PTCHD4: variants seen among roughly 807,000 people sequenced by gnomAD.
PTCHD4 encodes the protein patched domain containing 4, also known as patched domain-containing protein 4.
In PTCHD4, 33 loss-of-function variants were observed where a neutral mutation model predicts 58.1. The observed-to-expected ratio is 0.57, with a 90% CI of 0.43 to 0.76. The LOEUF (loss-of-function observed/expected upper bound fraction) is 0.76. Ranked by LOEUF, PTCHD4 falls within the 30% of genes least tolerant of loss-of-function variation. The pLI is 0.00. For missense variants in PTCHD4, 1,058 were observed against 1,027.1 expected, an observed-to-expected ratio of 1.03 and a Z score of -0.41; for synonymous variants, 478 against 409.6, an observed-to-expected ratio of 1.17 and a Z score of -2.02.
chr6:47,899,999 T>C (rs2114144091), intron 4 of PTCHD4: 1 of 152,366 alleles, frequency 6.6e-6, no homozygotes, highest in East Asian at 1.9e-4. Context: ...TATTCCATTG[T>C]ATGCATATAC....
intron 4 of PTCHD4, among the ~76,000 whole-genome samples, chr6:47,888,428 A>G (rs971447907): frequency 6.6e-6 from 1 of 152,206 alleles, no homozygotes; most frequent in African/African-American, 2.4e-5. Context: ...GAGCATGAAC[A>G]GACACTCAGT....
In PTCHD4 at chr6:48,079,117, CAAAAAAA is replaced by C. The variant is rs398001467; in HGVS notation, c.-969-9198_-969-9192del. On this transcript the variant is annotated intron_variant, in intron 1 of 4. Transcript: ENST00000339488. ...TGGGCAACAGAGCGAAATTCCATCACAAAAAAAAAAAAAAAAAAGAAATTGCATATTT... is the reference window on the plus strand; with the variant it reads ...TGGGCAACAGAGCGAAATTCCATCACAAAAAAAAAAAGAAATTGCATATTT... Among the ~76,000 whole-genome samples the C allele has an allele frequency of 8.2e-5, 6 of 73,182 alleles. No individual in the cohort carries two copies. The South Asian group carries it at 1.4e-3, about 18-fold the overall frequency. 48.0% of individuals were successfully genotyped at this position (73,182 alleles called of 152,430 possible).
chr6:47,909,944 T>G (rs946951632), intron 4 of PTCHD4, among the ~76,000 whole-genome samples: 4 of 152,216 alleles, frequency 2.6e-5, no homozygotes, highest in African/African-American at 9.6e-5. Flanking sequence ...TTGGGAAAAC[T>G]TCGTAATAAC....
In PTCHD4 at chr6:47,861,884, G is replaced by A. The variant is rs1763435396; in HGVS notation, c.*16419C>T. Among the ~76,000 whole-genome samples, 1 of 151,824 alleles carries A rather than the reference G, an allele frequency of 6.6e-6. No individual in the cohort carries two copies. Among genetic ancestry groups the A allele is most frequent in the African/African-American group, 2.4e-5 (1 of 41,400 alleles). Reference sequence around the variant, plus strand: ...ATCCATGTTTGTTGGATGGATTAATGAATGAATGATATGGCTAGTTCATCA... The same window carrying A: ...ATCCATGTTTGTTGGATGGATTAATAAATGAATGATATGGCTAGTTCATCA... On this transcript the variant is annotated 3_prime_UTR_variant, in exon 5 of 5. Coordinates refer to ENST00000339488, the MANE Select transcript of PTCHD4 (RefSeq NM_001384253.1).
chr6:48,097,081 T>G (rs1207514885), intron 1 of PTCHD4, among the ~76,000 whole-genome samples: 1 of 152,122 alleles, frequency 6.6e-6, no homozygotes, highest in African/African-American at 2.4e-5. Flanking sequence ...ACATTTAATA[T>G]TAACGTATTA....
intron 3 of PTCHD4, among the ~76,000 whole-genome samples, chr6:48,022,267 C>T (rs1582035455): frequency 6.6e-6 from 1 of 151,104 alleles, no homozygotes; most frequent in Non-Finnish European, 1.5e-5. Flanking sequence ...TCTCTCCTTC[C>T]TTTATTTGAA....
chr6:47,960,324 C>G (rs1317222192), intron 4 of PTCHD4, among the ~76,000 whole-genome samples: 1 of 151,994 alleles, frequency 6.6e-6, no homozygotes, highest in Non-Finnish European at 1.5e-5. Context: ...GGGACAAATA[C>G]AGGTAAATAG....
intron 4 of PTCHD4, among the ~76,000 whole-genome samples, chr6:47,962,798 T>C (rs1767145125): frequency 6.7e-6 from 1 of 149,572 alleles, no homozygotes; most frequent in South Asian, 2.1e-4. Flanking sequence ...GGAGTGGGCA[T>C]CCAAAATATG....
chr6:47,898,876 G>A (rs1215430586), intron 4 of PTCHD4, among the ~76,000 whole-genome samples: 1 of 152,174 alleles, frequency 6.6e-6, no homozygotes, highest in African/African-American at 2.4e-5. Context: ...TTTCTTTTTA[G>A]GTCCCTGCTG....
At chr6:47,916,797 A>G (rs1765272171) in intron 4 of PTCHD4, among the ~76,000 whole-genome samples, 1 of 152,174 alleles carries the variant, frequency 6.6e-6, no homozygotes, top group Non-Finnish European at 1.5e-5. Flanking sequence ...AATTGTAATA[A>G]CTAAAAAGTT....
chr6:47,918,693 T>G (rs1466292505), intron 4 of PTCHD4, among the ~76,000 whole-genome samples: 1 of 152,196 alleles, frequency 6.6e-6, no homozygotes, highest in Non-Finnish European at 1.5e-5. Flanking sequence ...TCACTTCAAA[T>G]ACTATGGAAG....
chr6:47,888,459 C>T (rs1764265259), intron 4 of PTCHD4, among the ~76,000 whole-genome samples: 1 of 152,112 alleles, frequency 6.6e-6, no homozygotes, highest in African/African-American at 2.4e-5. Flanking sequence ...CAGGAGGTTA[C>T]AGGATTTTAT....
chr6:48,104,235 A>C (rs1290971177), intron 1 of PTCHD4, among the ~76,000 whole-genome samples: 2 of 152,260 alleles, frequency 1.3e-5, no homozygotes, highest in Non-Finnish European at 2.9e-5. Flanking sequence ...GAAGCCCATC[A>C]GACTAACAGC....
intron 4 of PTCHD4, among the ~76,000 whole-genome samples, chr6:47,919,900 T>G (rs982526013): frequency 6.6e-6 from 1 of 152,142 alleles, no homozygotes; most frequent in South Asian, 2.1e-4. Context: ...TGTGATTGAC[T>G]TCTGGCCAGT....
intron 4 of PTCHD4, among the ~76,000 whole-genome samples, chr6:48,005,995 T>A (rs1343234215): frequency 6.6e-6 from 1 of 152,152 alleles, no homozygotes; most frequent in East Asian, 1.9e-4. Flanking sequence ...ACAATCATTT[T>A]AAAAATAAAA....
At chr6:48,095,903 C>A (rs995852121) in intron 1 of PTCHD4, among the ~76,000 whole-genome samples, 26 of 152,038 alleles carry the variant, frequency 1.7e-4, no homozygotes, top group African/African-American at 6.3e-4. Context: ...CTCATATTAT[C>A]ATCTAAATAA....
chr6:48,094,391 G>A (rs947602953), intron 1 of PTCHD4, among the ~76,000 whole-genome samples: 3 of 152,164 alleles, frequency 2.0e-5, no homozygotes, highest in Non-Finnish European at 2.9e-5. Flanking sequence ...TTTCTGCTGG[G>A]TTGATAGATA....
chr6:47,892,097 A>T (rs1764398645), intron 4 of PTCHD4, among the ~76,000 whole-genome samples: 1 of 152,138 alleles, frequency 6.6e-6, no homozygotes, highest in African/African-American at 2.4e-5. Flanking sequence ...TTTTGAGAAG[A>T]TGATAACATG....
At chr6:48,101,787 G>A (rs1341734990) in intron 1 of PTCHD4, among the ~76,000 whole-genome samples, 1 of 152,100 alleles carries the variant, frequency 6.6e-6, no homozygotes, top group Non-Finnish European at 1.5e-5. Flanking sequence ...ACAAAAGAAA[G>A]GAAGCTGATT....
Sources: allele counts gnomAD v4.1 joint callset (sites outside exome capture counted in the v4.1 genomes callset), GRCh38; gene constraint gnomAD v4.1.1; transcripts MANE v1.5; gene names NCBI Gene and HGNC (gene_info 2026-07-23, HGNC 2026-07-21).